Variants in AP3D1 observed in about 807,000 individuals in gnomAD.
AP3D1 encodes the protein AP-3 complex subunit delta-1.
AP3D1 carries 51 observed loss-of-function variants against 147.6 expected under a neutral mutation model. The observed-to-expected ratio is 0.35, with a 90% CI of 0.28 to 0.44. The LOEUF (loss-of-function observed/expected upper bound fraction) is 0.44. AP3D1 is among the 20% of genes least tolerant of loss of function. The probability of loss-of-function intolerance (pLI) is 1.00; values close to 1 mark genes in which losing one functional copy is unlikely to be tolerated. For synonymous variants in AP3D1, 760 were observed against 663.0 expected (o/e 1.15, Z -2.25); for missense variants, 1,421 against 1,624.2 (o/e 0.87, Z 2.15).
intron 1 of AP3D1, among the ~76,000 whole-genome samples, chr19:2,139,059 CAAAAAAAAAAAAA>C (rs60728832): frequency 1.3e-4 from 8 of 61,670 alleles, no homozygotes; most frequent in Middle Eastern, 0.01. Flanking sequence ...GACTCCGTCT[CAAAAAAAAAAAAA>C]AAAAAAAAAA....
At chr19:2,110,267 G>C (rs774237361) in intron 27 of AP3D1, 43 bp from the exon 28 acceptor site, 1 of 1,537,914 alleles carries the variant, frequency 6.5e-7, no homozygotes, top group South Asian at 1.1e-5. Context: ...CGCTGCGGGG[G>C]CTCAGCATGG....
In AP3D1 at chr19:2,136,988, G is replaced by T. The variant is rs368425264; in HGVS notation, c.354+23C>A. 7.7e-6 allele frequency: 12 copies of T among 1,565,270 alleles called. No homozygotes were observed. The East Asian group carries it at 1.9e-4, about 25-fold the overall frequency. ...GGGCAGACTGCACTCAGCACAGAGC[G>T]GCCCCGGCCCGGGAACACCCACCTT... On this transcript the variant is annotated intron_variant, in intron 4 of 31. Transcript: ENST00000643116.
At chr19:2,102,896 T>C (rs1393103129) in intron 31 of AP3D1, among the ~76,000 whole-genome samples, 3 of 151,392 alleles carry the variant, frequency 2.0e-5, no homozygotes, top group South Asian at 2.1e-4. Flanking sequence ...TGCATGTGAG[T>C]TGAGATCATT....
chr19:2,148,350 G>C (rs1352070907), intron 1 of AP3D1, among the ~76,000 whole-genome samples: 1 of 152,102 alleles, frequency 6.6e-6, no homozygotes, highest in East Asian at 1.9e-4. Context: ...CATCTTAATA[G>C]GTTTTGCATG....
chr19:2,125,505 A>G (rs1050527395), intron 9 of AP3D1, among the ~76,000 whole-genome samples: 1 of 152,108 alleles, frequency 6.6e-6, no homozygotes, highest in Non-Finnish European at 1.5e-5. Context: ...TTAGGTAGAG[A>G]TGGGGTTTCA....
At chr19:2,134,287 G>A (rs2019022380) in intron 4 of AP3D1, among the ~76,000 whole-genome samples, 1 of 151,806 alleles carries the variant, frequency 6.6e-6, no homozygotes, top group East Asian at 2.0e-4. Context: ...CAGGTGTGGT[G>A]GTGTATGCCT....
At chr19:2,157,460 A>AAAAAAG in intron 1 of AP3D1, among the ~76,000 whole-genome samples, 1 of 132,954 alleles carries the variant, frequency 7.5e-6, no homozygotes, top group Non-Finnish European at 1.7e-5. Flanking sequence ...AAAAAAAAAA[A>AAAAAAG]GAAAAAAACA....
intron 1 of AP3D1, among the ~76,000 whole-genome samples, chr19:2,148,500 T>C (rs184457029): frequency 9.8e-4 from 150 of 152,348 alleles, no homozygotes; most frequent in Non-Finnish European, 1.7e-3. Context: ...AACCATTAAA[T>C]TGAATTCACA....
chr19:2,127,568 A>G (rs575994929), intron 8 of AP3D1, among the ~76,000 whole-genome samples: 48 of 152,294 alleles, frequency 3.2e-4, no homozygotes, highest in African/African-American at 1.2e-3. Flanking sequence ...TCTGTTGCCC[A>G]GGCCGGAGTG....
chr19:2,108,941 C>T (rs2018187128), intron 30 of AP3D1, 145 bp downstream of exon 30: 1 of 1,391,562 alleles, frequency 7.2e-7, no homozygotes, highest in Admixed American at 2.5e-5. Flanking sequence ...CGCACCAGCT[C>T]CCAGGCCTCG....
Position 2,111,683 on chromosome 19 carries a change from A to C in AP3D1, c.2933T>G (p.Leu978Arg). 1 of 1,589,212 alleles carries C rather than the reference A, an allele frequency of 6.3e-7. No homozygotes were observed. The highest frequency in any genetic ancestry group is 8.5e-7 in the Non-Finnish European group (1 of 1,170,512). ...VQNGAPEEEQ[L>R]PPESSYSLLA... ...GGGCGCTGAAGTACCCCTCACCGGGAGCTGCTCCTCCTCTGGCGCGCCATT... is the reference window on the plus strand; with the variant it reads ...GGGCGCTGAAGTACCCCTCACCGGGCGCTGCTCCTCCTCTGGCGCGCCATT... Residue 978 changes from leucine (L) to arginine (R), a missense_variant, in exon 25 of 32, where the codon CTC (leucine) becomes CGC (arginine). Coordinates refer to ENST00000643116, the MANE Select transcript of AP3D1 (RefSeq NM_001261826.3).
chr19:2,114,351 C>G (rs745349395), intron 21 of AP3D1, 49 bp from the exon 22 acceptor site: 36 of 1,476,322 alleles, frequency 2.4e-5, no homozygotes, highest in East Asian at 4.5e-5. Flanking sequence ...GGCCACCCCC[C>G]AGGACCACTC....
upstream of AP3D1, among the ~76,000 whole-genome samples, chr19:2,153,053 A>G (rs915564584): frequency 2.8e-5 from 4 of 145,006 alleles, no homozygotes; most frequent in Non-Finnish European, 6.0e-5. Context: ...TCAGACACCC[A>G]TCTTAAAAAA....
chr19:2,120,513 C>T (rs902988297), intron 14 of AP3D1, among the ~76,000 whole-genome samples: 1 of 152,214 alleles, frequency 6.6e-6, no homozygotes, highest in Non-Finnish European at 1.5e-5. Flanking sequence ...GCCACGCGCC[C>T]AGCTGGAACT....
At chr19:2,143,090 G>C (rs565218883) in intron 1 of AP3D1, among the ~76,000 whole-genome samples, 1 of 151,508 alleles carries the variant, frequency 6.6e-6, no homozygotes, top group South Asian at 2.1e-4. Context: ...CTGAGATGGA[G>C]TCTCACTCTA....
chr19:2,111,273 G>T lies in AP3D1; in HGVS notation c.2985+12C>A. ...CTGGCCCACCCTGCCCCTGGGAGCG[G>T]CTGCCACTCACCATTTTAACATAGG... On this transcript the variant is annotated intron_variant, in intron 26 of 31. Coordinates refer to ENST00000643116, the MANE Select transcript of AP3D1 (RefSeq NM_001261826.3). 1 of 1,613,786 alleles carries T rather than the reference G, an allele frequency of 6.2e-7. No individual in the cohort carries two copies. Among genetic ancestry groups the T allele is most frequent in the South Asian group, 1.1e-5 (1 of 91,078 alleles).
chr19:2,148,773 C>CT (rs1270424611), intron 1 of AP3D1, among the ~76,000 whole-genome samples: 1 of 152,228 alleles, frequency 6.6e-6, no homozygotes, highest in Non-Finnish European at 1.5e-5. Context: ...ATCGCACTGC[C>CT]TTTCCACGTG....
At chr19:2,161,999 G>A (rs529479148) in intron 1 of AP3D1, among the ~76,000 whole-genome samples, 5 of 149,416 alleles carry the variant, frequency 3.3e-5, no homozygotes, top group Middle Eastern at 7.1e-3. Context: ...TAGCAGGACC[G>A]CATCTTTCCA....
intron 4 of AP3D1, chr19:2,133,376 T>C (rs2018998305): frequency 6.6e-6 from 1 of 152,136 alleles, no homozygotes; most frequent in Non-Finnish European, 1.5e-5. Flanking sequence ...GGGAAATAAA[T>C]CCTCTCTTGA....
Sources: allele counts gnomAD v4.1 joint callset (sites outside exome capture counted in the v4.1 genomes callset), GRCh38; gene constraint gnomAD v4.1.1; transcripts MANE v1.5; gene names NCBI Gene and HGNC (gene_info 2026-07-23, HGNC 2026-07-21).